Variants in CCNC observed in about 807,000 individuals in gnomAD.
CCNC encodes cyclin-C.
In CCNC, 19 loss-of-function variants were observed where a neutral mutation model predicts 50.0. That is an observed-to-expected ratio of 0.38 (90% CI 0.27 to 0.56). CCNC has a LOEUF of 0.56. Among genes scored for constraint, CCNC ranks in the 20% least tolerant of loss-of-function variants. The probability of loss-of-function intolerance (pLI) is 0.72; values close to 1 mark genes in which losing one functional copy is unlikely to be tolerated. For synonymous variants in CCNC, 93 were observed against 103.7 expected, an observed-to-expected ratio of 0.90 and a Z score of 0.63; for missense variants, 200 against 327.1, an observed-to-expected ratio of 0.61 and a Z score of 3.00.
intron 5 of CCNC, among the ~76,000 whole-genome samples, chr6:99,552,685 A>G (rs1802351841): frequency 6.6e-6 from 1 of 152,208 alleles, no homozygotes; most frequent in Non-Finnish European, 1.5e-5. Flanking sequence ...GACAGGTCCT[A>G]AAAAATGTTT....
chr6:99,559,967 G>A (rs1228806917), intron 4 of CCNC, among the ~76,000 whole-genome samples: 1 of 151,954 alleles, frequency 6.6e-6, no homozygotes, highest in Non-Finnish European at 1.5e-5. Context: ...TGATCCACCC[G>A]CCTGAGCCTC....
Position 99,546,719 on chromosome 6 carries a change from G to T in CCNC, c.599-245C>A, listed in dbSNP as rs530256650. Among the ~76,000 whole-genome samples the T allele has an allele frequency of 3.9e-5, 6 of 152,258 alleles. No homozygotes were observed. In the South Asian group the frequency reaches 1.3e-3, roughly 32 times the overall value. ...GTGCTAGTCATGGTGCAGTTGCCTT[G>T]AGAGTCAGGCACGTTAAAGAGGAAA... On this transcript the variant is annotated intron_variant, in intron 9 of 11. Transcript: ENST00000520429.
chr6:99,558,293 AAAGT>A, intron 5 of CCNC, 200 bp downstream of exon 5: 2 of 617,762 alleles, frequency 3.2e-6, no homozygotes, highest in Non-Finnish European at 4.9e-6. Flanking sequence ...TTTAACATTA[AAAGT>A]AATATCTTTA....
At chr6:99,564,299 C>A (rs888285265) in intron 1 of CCNC, among the ~76,000 whole-genome samples, 2 of 151,906 alleles carry the variant, frequency 1.3e-5, no homozygotes, top group Admixed American at 1.3e-4. Flanking sequence ...GTGGCGTGCG[C>A]CTGTAGTCCC....
At chr6:99,568,457 A>G (rs747274061) in intron 1 of CCNC, 39 bp downstream of exon 1, 1 of 1,595,574 alleles carries the variant, frequency 6.3e-7, no homozygotes, top group Non-Finnish European at 8.6e-7. Flanking sequence ...CAGCTCCCCC[A>G]AAAACCGGCC....
intron 2 of CCNC, 111 bp downstream of exon 2, chr6:99,562,731 A>G: frequency 1.7e-6 from 1 of 605,026 alleles, no homozygotes; most frequent in Non-Finnish European, 2.9e-6. Context: ...ATACCTGTAT[A>G]AGCAAAAATG....
chr6:99,545,271 A>G, intron 10 of CCNC, 41 bp from the exon 11 acceptor site: 4 of 1,033,084 alleles, frequency 3.9e-6, no homozygotes, highest in Non-Finnish European at 6.1e-6. Context: ...GGCAAAAACA[A>G]GCAACATTTT....
At chr6:99,563,958 T>A (rs1475564436) in intron 1 of CCNC, among the ~76,000 whole-genome samples, 2 of 152,198 alleles carry the variant, frequency 1.3e-5, no homozygotes, top group East Asian at 3.9e-4. Context: ...TTAATGAATA[T>A]CTTTGTAATT....
intron 10 of CCNC, 76 bp from the exon 11 acceptor site, chr6:99,545,306 C>T (rs1017240235): frequency 1.3e-6 from 1 of 742,416 alleles, no homozygotes; most frequent in Non-Finnish European, 2.4e-6. Flanking sequence ...TACATCACTA[C>T]ACAACCCTCA....
chr6:99,548,986 A>C (rs1178540406), intron 9 of CCNC, among the ~76,000 whole-genome samples: 1 of 152,108 alleles, frequency 6.6e-6, no homozygotes, highest in Admixed American at 6.6e-5. Context: ...AAGGTCAGAT[A>C]ATTTTCCCAC....
intron 5 of CCNC, 66 bp from the exon 6 acceptor site, chr6:99,551,961 A>C (rs1466503924): frequency 8.7e-7 from 1 of 1,147,486 alleles, no homozygotes; most frequent in Non-Finnish European, 1.2e-6. Context: ...AAATTCCTTT[A>C]ACAGAGCAGA....
At chr6:99,564,360 A>C (rs1241893014) in intron 1 of CCNC, among the ~76,000 whole-genome samples, 1 of 150,154 alleles carries the variant, frequency 6.7e-6, no homozygotes, top group African/African-American at 2.4e-5. Flanking sequence ...GGGAGGTGGA[A>C]GTTGCACTGA....
chr6:99,551,457 G>A (rs1371014942), intron 6 of CCNC, among the ~76,000 whole-genome samples: 1 of 152,100 alleles, frequency 6.6e-6, no homozygotes, highest in African/African-American at 2.4e-5. Context: ...AATGTCAATA[G>A]AAATTCACCT....
chr6:99,559,239 G>C (rs1191329086), intron 4 of CCNC, among the ~76,000 whole-genome samples: 1 of 150,132 alleles, frequency 6.7e-6, no homozygotes, highest in Non-Finnish European at 1.5e-5. Flanking sequence ...TTTTAGAACA[G>C]GGAGACAGGA....
At position 99,543,524 on chromosome 6, in the gene CCNC, A is replaced by T. The variant is rs759717283; in HGVS notation, c.*31T>A. On this transcript the variant is annotated 3_prime_UTR_variant, in exon 12 of 12. Coordinates refer to ENST00000520429, the MANE Select transcript of CCNC (RefSeq NM_005190.4). The stretch of plus-strand genomic sequence containing the variant: ...AAATCTGTCCAATGGTTTATTTCCA[A>T]GTGGTCCACTATGGAATTCTTCGGA... 6.2e-7 allele frequency: 1 copy of T among 1,609,682 alleles called. No homozygotes were observed. Among genetic ancestry groups the T allele is most frequent in the Admixed American group, 1.7e-5 (1 of 59,946 alleles).
intron 1 of CCNC, among the ~76,000 whole-genome samples, chr6:99,566,714 A>T (rs1029853240): frequency 1.3e-5 from 2 of 152,172 alleles, no homozygotes; most frequent in South Asian, 2.1e-4. Context: ...AGAATAAACT[A>T]AAAAACTTTA....
At chr6:99,546,785 A>G (rs1802089398) in intron 9 of CCNC, among the ~76,000 whole-genome samples, 1 of 152,250 alleles carries the variant, frequency 6.6e-6, no homozygotes, top group Non-Finnish European at 1.5e-5. Flanking sequence ...GTTATCCCTG[A>G]GTAGTGTACA....
At chr6:99,566,787 T>C (rs2114432320) in intron 1 of CCNC, 1 of 254,518 alleles carries the variant, frequency 3.9e-6, no homozygotes, top group South Asian at 3.9e-5. Context: ...TCATATGCTA[T>C]GAAAGCAACT....
At chr6:99,558,308 T>C (rs1802625662) in intron 5 of CCNC, 189 bp downstream of exon 5, 3 of 736,076 alleles carry the variant, frequency 4.1e-6, no homozygotes, top group Non-Finnish European at 5.9e-6. Context: ...AATATCTTTA[T>C]ATCTTTTTAA....
Sources: allele counts gnomAD v4.1 joint callset (sites outside exome capture counted in the v4.1 genomes callset), GRCh38; gene constraint gnomAD v4.1.1; transcripts MANE v1.5; gene names NCBI Gene and HGNC (gene_info 2026-07-23, HGNC 2026-07-21).